The following CPT1C variants were observed in gnomAD, a reference collection of about 807,000 sequenced individuals.
CPT1C encodes the protein carnitine palmitoyltransferase 1C, also known as palmitoyl thioesterase CPT1C.
In CPT1C, 61 loss-of-function variants were observed where a neutral mutation model predicts 97.3. That is an observed-to-expected ratio of 0.63 (90% CI 0.51 to 0.78). The LOEUF (loss-of-function observed/expected upper bound fraction) is 0.78, where lower values mean the gene tolerates loss of function less well. Ranked by LOEUF, CPT1C falls within the 30% of genes least tolerant of loss-of-function variation. CPT1C has a pLI of 0.00. For missense variants in CPT1C, 975 were observed against 1,065.5 expected, an observed-to-expected ratio of 0.92 and a Z score of 1.18; for synonymous variants, 469 against 447.2, an observed-to-expected ratio of 1.05 and a Z score of -0.61.
At chr19:49,703,872 A>G (rs1329360183) in intron 7 of CPT1C, among the ~76,000 whole-genome samples, 3 of 151,930 alleles carry the variant, frequency 2.0e-5, no homozygotes, top group Non-Finnish European at 4.4e-5. Flanking sequence ...GGCTCAAGCT[A>G]TCCTCCCACC....
rs1349018368 is a variant in CPT1C, at chr19:49,700,821, A to G, written c.419A>G (p.His140Arg). 3.1e-6 allele frequency: 5 copies of G among 1,613,002 alleles called. No individual in the cohort carries two copies. Among genetic ancestry groups the G allele is most frequent in the East Asian group, 2.2e-5 (1 of 44,884 alleles). ...LSYHGWLLEPHGAMSSPTKTW... is the reference protein window; with the variant it reads ...LSYHGWLLEPRGAMSSPTKTW... ...TACCACGGCTGGCTTCTTGAGCCCCACGGAGCCATGTCCTCCCCCACCAAG... is the reference window on the plus strand; with the variant it reads ...TACCACGGCTGGCTTCTTGAGCCCCGCGGAGCCATGTCCTCCCCCACCAAG... The change falls in exon 5 of 20, where the codon CAC becomes CGC. Residue 140 changes from histidine to arginine, a missense_variant. His to Arg is a conservative substitution (Grantham distance 29). Transcript: ENST00000598293.
chr19:49,710,307 C>T lies in CPT1C; in HGVS notation c.1567-13C>T. 6.2e-7 allele frequency: 1 copy of T among 1,612,802 alleles called. No individual in the cohort carries two copies. The highest frequency in any genetic ancestry group is 8.5e-7 in the Non-Finnish European group (1 of 1,178,866). ...GTAACCCCAACTACTCCTCTTCCCTCCTCCTCTGGCAGATCCACTCCTCCA... is the reference window on the plus strand; with the variant it reads ...GTAACCCCAACTACTCCTCTTCCCTTCTCCTCTGGCAGATCCACTCCTCCA... On this transcript the variant is annotated splice_polypyrimidine_tract_variant and intron_variant, in intron 14 of 19. Transcript: ENST00000598293.
At position 49,710,401 on chromosome 19, in the gene CPT1C, C is replaced by A; in HGVS notation, c.1648C>A (p.Leu550Ile). 2.5e-6 allele frequency: 4 copies of A among 1,614,154 alleles called. No individual in the cohort carries two copies. The highest frequency in any genetic ancestry group is 3.4e-6 in the Non-Finnish European group (4 of 1,180,040). The change falls in exon 15 of 20, where the codon CTA becomes ATA. Residue 550 changes from leucine to isoleucine, a missense_variant. Transcript: ENST00000598293. Reference sequence around the variant, plus strand: ...CGACTGCCATGTCGTTCCATTCTCCCTATTTGGCAAGAGCTTCATCCGACG... The same window carrying A: ...CGACTGCCATGTCGTTCCATTCTCCATATTTGGCAAGAGCTTCATCCGACG... ...NVDCHVVPFS[L>I]FGKSFIRRCH...
At chr19:49,705,609 A>C (rs2083455472) in intron 10 of CPT1C, among the ~76,000 whole-genome samples, 1 of 152,048 alleles carries the variant, frequency 6.6e-6, no homozygotes, top group African/African-American at 2.4e-5. Flanking sequence ...AAAATTTAAA[A>C]ATTAGCCAGG....
intron 4 of CPT1C, chr19:49,698,072 G>C (rs1025080339): frequency 2.9e-5 from 4 of 138,216 alleles, no homozygotes; most frequent in African/African-American, 1.1e-4. Flanking sequence ...AAAAAAAAAA[G>C]GTGTGAGCTT....
chr19:49,712,860 C>CA lies in CPT1C; in HGVS notation c.2133+11_2133+12insA, dbSNP rs754179152. On this transcript the variant is annotated intron_variant, in intron 18 of 19. Transcript: ENST00000598293. ...GGTGGATTCGGGCCTGTGAGTGGAG[C>CA]TGGGCGCGCTGGCCCCCAGAGGAAA... is the stretch of plus-strand genomic sequence containing the variant. 9.7e-5 allele frequency: 136 copies of CA among 1,408,574 alleles called. 1 individual carries two copies. In the African/African-American group the frequency reaches 3.2e-3, roughly 33 times the overall value. The allele number at this position is 1,408,574 out of a possible 1,614,324, so 87.3% of individuals were successfully genotyped here.
At chr19:49,703,849 T>C (rs1600103358) in intron 7 of CPT1C, among the ~76,000 whole-genome samples, 2 of 151,802 alleles carry the variant, frequency 1.3e-5, no homozygotes, top group Admixed American at 6.6e-5. Context: ...CACAGACTGG[T>C]CTCAAACTCC....
chr19:49,702,922 G>A (rs777775860), intron 7 of CPT1C, among the ~76,000 whole-genome samples: 12 of 152,072 alleles, frequency 7.9e-5, no homozygotes, highest in Non-Finnish European at 1.3e-4. Context: ...GAGGGTCCCC[G>A]GCAGAGCCCC....
chr19:49,692,174 GC>G, intron 2 of CPT1C, 64 bp from the exon 3 acceptor site: 1 of 1,554,248 alleles, frequency 6.4e-7, no homozygotes, highest in African/African-American at 1.4e-5. Flanking sequence ...GGGGCTGGGG[GC>G]CTGGACTCCT....
chr19:49,697,407 C>T lies in CPT1C; in HGVS notation c.223C>T (p.Leu75Phe), dbSNP rs201792786. 2.2e-5 allele frequency: 36 copies of T among 1,614,184 alleles called. No homozygotes were observed. The East Asian group carries it at 7.4e-4, about 33-fold the overall frequency. Residue 75 changes from leucine (L) to phenylalanine (F), a missense_variant, in exon 4 of 20, where the codon CTC (leucine) becomes TTC (phenylalanine). This residue lies in a region of CPT1C where 596 missense variants were observed against 603.1 expected (regional missense o/e 0.99). Coordinates refer to ENST00000598293, the MANE Select transcript of CPT1C (RefSeq NM_001199753.2). ...CAGTGCCATCCAGCTTGCCTGGTTC[C>T]TCCAGCTGGATCCTTCCTTAGGACT... ...LFSAIQLAWF[L>F]QLDPSLGLME... is the part of the protein sequence containing the mutation.
At chr19:49,692,637 C>T (rs1345142014) in intron 3 of CPT1C, among the ~76,000 whole-genome samples, 1 of 152,164 alleles carries the variant, frequency 6.6e-6, no homozygotes, top group Non-Finnish European at 1.5e-5. Flanking sequence ...GGAACTGGGC[C>T]CCCCAAAAAC....
At chr19:49,708,002 CAAA>C (rs60276067) in intron 13 of CPT1C, among the ~76,000 whole-genome samples, 18 of 56,784 alleles carry the variant, frequency 3.2e-4, no homozygotes, top group Non-Finnish European at 5.6e-4. Flanking sequence ...GAATACATCT[CAAA>C]AAAAAAAAAA....
At chr19:49,703,516 T>C (rs557846765) in intron 7 of CPT1C, among the ~76,000 whole-genome samples, 67 of 145,480 alleles carry the variant, frequency 4.6e-4, no homozygotes, top group African/African-American at 1.7e-3. Flanking sequence ...CTTTCTTTCT[T>C]TCTCTATCTT....
At chr19:49,702,034 T>TAC (rs1568521198) in intron 7 of CPT1C, among the ~76,000 whole-genome samples, 1 of 96,944 alleles carries the variant, frequency 1.0e-5, no homozygotes, top group African/African-American at 4.7e-5. Flanking sequence ...ATTATAAATA[T>TAC]ATATTTATTT....
intron 4 of CPT1C, 96 bp from the exon 5 acceptor site, chr19:49,700,588 A>G (rs888794686): frequency 7.7e-5 from 105 of 1,369,582 alleles, no homozygotes; most frequent in Non-Finnish European, 9.3e-5. Context: ...TCTGTCTGAC[A>G]GCCAAAAGAT....
Position 49,691,291 on chromosome 19 carries a change from A to C in CPT1C, c.-133A>C, listed in dbSNP as rs1480444328. On this transcript the variant is annotated 5_prime_UTR_variant, in exon 1 of 20. Transcript: ENST00000598293. ...GCTCAAAATCGGGGGGCGGGGGTGG[A>C]CTCGGGTTTGGACCCCAGGATCCGA... 1 of 151,526 alleles carries C rather than the reference A, an allele frequency of 6.6e-6. No homozygotes were observed. Among genetic ancestry groups the C allele is most frequent in the Non-Finnish European group, 1.5e-5 (1 of 67,976 alleles). 9.4% of individuals were successfully genotyped at this position (151,526 alleles called of 1,614,324 possible).
rs752790619 is a variant in CPT1C, at chr19:49,713,409, TCTC to T, written c.2227-8_2227-6del. The T allele has an allele frequency of 1.9e-6, 3 of 1,606,890 alleles. No individual in the cohort carries two copies. The highest frequency in any genetic ancestry group is 1.3e-5 in the African/African-American group (1 of 74,900). ...CCAGCTTCCCCTGGCTCTGACCTGT[TCTC>T]CTTCCAGGATTCCCACAGGCTGGGG... On this transcript the variant is annotated splice_region_variant and splice_polypyrimidine_tract_variant and intron_variant, in intron 19 of 19. Transcript: ENST00000598293.
At position 49,706,916 on chromosome 19, in the gene CPT1C, G is replaced by C. The variant is rs1285388665; in HGVS notation, c.1343+503G>C. Among the ~76,000 whole-genome samples, 1 of 152,120 alleles carries C rather than the reference G, an allele frequency of 6.6e-6. No individual in the cohort carries two copies. The highest frequency in any genetic ancestry group is 2.4e-5 in the African/African-American group (1 of 41,410). On this transcript the variant is annotated intron_variant, in intron 12 of 19. Transcript: ENST00000598293. This position sits in a 1 kb window ranked among gnomAD's most constrained non-coding sequence, Gnocchi z 4.8. ...ATCACTGAATTCCTAGGCCCCAGGGGGGTCCCGCTGACCTCCCAGCACCCC... is the reference window on the plus strand; with the variant it reads ...ATCACTGAATTCCTAGGCCCCAGGGCGGTCCCGCTGACCTCCCAGCACCCC...
intron 5 of CPT1C, 55 bp from the exon 6 acceptor site, chr19:49,701,262 G>T (rs2083035048): frequency 1.3e-6 from 2 of 1,501,770 alleles, no homozygotes; most frequent in Non-Finnish European, 1.8e-6. Context: ...CCCCTGCCCC[G>T]TCAACTCCCT....
Sources: gnomAD v4.1 joint callset for allele counts (sites outside exome capture counted in the v4.1 genomes callset) on GRCh38, gnomAD v4.1.1 for gene constraint, gnomAD v4.1.1 regional missense constraint, Gnocchi (gnomAD v3.1) non-coding constraint, MANE v1.5 for transcripts, NCBI Gene and HGNC (gene_info 2026-07-23, HGNC 2026-07-21) for gene names.